Variants in PIP5K1B observed in about 807,000 individuals in gnomAD.
The protein encoded by PIP5K1B is phosphatidylinositol 4-phosphate 5-kinase type-1 beta.
PIP5K1B carries 42 observed loss-of-function variants against 67.0 expected under a neutral mutation model. The ratio of observed to expected loss-of-function variants is 0.63; its 90% CI spans 0.49 to 0.81. The LOEUF (loss-of-function observed/expected upper bound fraction) is 0.81. Among genes scored for constraint, PIP5K1B ranks in the 30% least tolerant of loss-of-function variants. PIP5K1B has a pLI of 0.00. For missense variants in PIP5K1B, 459 were observed against 646.3 expected (o/e 0.71, Z 3.14); for synonymous variants, 214 against 231.4 (o/e 0.92, Z 0.68).
intron 2 of PIP5K1B, chr9:68,788,833 T>C: frequency 4.2e-6 from 1 of 236,724 alleles, no homozygotes; most frequent in South Asian, 5.8e-5. Flanking sequence ...AAACTGATAT[T>C]ATATTTGACA....
chr9:68,759,662 T>C (rs1830099625), intron 2 of PIP5K1B, among the ~76,000 whole-genome samples: 1 of 152,004 alleles, frequency 6.6e-6, no homozygotes, highest in Non-Finnish European at 1.5e-5. Context: ...AATGGATAAA[T>C]ACAATCAATA....
Position 68,736,382 on chromosome 9 carries a change from T to G in PIP5K1B, c.-242-6119T>G, listed in dbSNP as rs150902438. Among the ~76,000 whole-genome samples, 449 of 152,320 alleles carry G rather than the reference T, an allele frequency of 2.9e-3. 4 individuals are homozygous for G. The highest frequency in any genetic ancestry group is 0.014 in the Middle Eastern group (4 of 294). ...CATACAGTTTTGCCATCTGTGTATT[T>G]TAACATTTTTTTTCTGTTGCTCTGT... On this transcript the variant is annotated intron_variant, in intron 1 of 15. Coordinates refer to ENST00000265382, the MANE Select transcript of PIP5K1B (RefSeq NM_003558.4).
intron 2 of PIP5K1B, among the ~76,000 whole-genome samples, chr9:68,762,227 T>C (rs548863028): frequency 6.6e-6 from 1 of 152,182 alleles, no homozygotes; most frequent in East Asian, 1.9e-4. Context: ...TAAAATGCAT[T>C]ATCTAAGCTT....
intron 9 of PIP5K1B, among the ~76,000 whole-genome samples, chr9:68,919,199 GGA>G (rs1455522625): frequency 6.6e-6 from 1 of 151,968 alleles, no homozygotes; most frequent in Non-Finnish European, 1.5e-5. Flanking sequence ...GTTTTAAATT[GGA>G]TTCTTCCCAT....
chr9:68,886,251 C>G (rs1314793667), intron 6 of PIP5K1B, among the ~76,000 whole-genome samples: 1 of 152,126 alleles, frequency 6.6e-6, no homozygotes, highest in East Asian at 1.9e-4. Context: ...GGGTCTGTCT[C>G]ACACCTGCAT....
intron 13 of PIP5K1B, among the ~76,000 whole-genome samples, chr9:68,936,260 C>G (rs1437507097): frequency 1.3e-5 from 2 of 151,940 alleles, no homozygotes; most frequent in Non-Finnish European, 2.9e-5. Context: ...CTTGCTTTGT[C>G]CTGATTTTAA....
At chr9:68,965,466 G>T (rs933741635) in intron 14 of PIP5K1B, 1 of 152,180 alleles carries the variant, frequency 6.6e-6, no homozygotes, top group Non-Finnish European at 1.5e-5. Context: ...AACGAAGCCA[G>T]TTCCAAACGC....
intron 1 of PIP5K1B, among the ~76,000 whole-genome samples, chr9:68,714,896 A>G (rs956570034): frequency 7.2e-5 from 11 of 152,152 alleles, no homozygotes; most frequent in Non-Finnish European, 1.5e-4. Context: ...TCACTCCAAC[A>G]AAGAACCAAA....
intron 1 of PIP5K1B, among the ~76,000 whole-genome samples, chr9:68,720,085 C>T (rs999123355): frequency 6.6e-6 from 1 of 152,222 alleles, no homozygotes; most frequent in African/African-American, 2.4e-5. Context: ...GCACCTAGAA[C>T]AGTGTCCAGC....
chr9:68,731,471 C>T (rs1437609213), intron 1 of PIP5K1B, among the ~76,000 whole-genome samples: 2 of 152,186 alleles, frequency 1.3e-5, no homozygotes, highest in Non-Finnish European at 2.9e-5. Flanking sequence ...TAAGTAAATG[C>T]TACTTCCTTT....
chr9:68,900,067 C>T (rs1825284349), intron 8 of PIP5K1B, among the ~76,000 whole-genome samples: 1 of 152,156 alleles, frequency 6.6e-6, no homozygotes, highest in Non-Finnish European at 1.5e-5. Context: ...TGGTCTTCAC[C>T]TCCATCCATG....
At chr9:68,857,101 C>T (rs1480596830) in intron 4 of PIP5K1B, among the ~76,000 whole-genome samples, 2 of 152,076 alleles carry the variant, frequency 1.3e-5, no homozygotes, top group African/African-American at 4.8e-5. Flanking sequence ...AGGAAGAGGC[C>T]ACAAGGAATG....
At chr9:68,753,906 C>T (rs548252541) in intron 2 of PIP5K1B, among the ~76,000 whole-genome samples, 4 of 151,822 alleles carry the variant, frequency 2.6e-5, no homozygotes, top group East Asian at 2.0e-4. Context: ...GTGATCCACC[C>T]GCCTTGGCCT....
At chr9:68,851,621 G>A (rs918944328) in intron 4 of PIP5K1B, among the ~76,000 whole-genome samples, 3 of 152,140 alleles carry the variant, frequency 2.0e-5, no homozygotes, top group Admixed American at 6.5e-5. Flanking sequence ...TGGTAAAGCT[G>A]GACCTGGAAG....
chr9:68,765,420 C>T (rs1300405474), intron 2 of PIP5K1B, among the ~76,000 whole-genome samples: 1 of 151,842 alleles, frequency 6.6e-6, no homozygotes, highest in Non-Finnish European at 1.5e-5. Context: ...CATAATGATG[C>T]CTAGTACAAA....
Position 68,932,093 on chromosome 9 carries a change from C to T in PIP5K1B, c.1202-2797C>T, listed in dbSNP as rs548005130. 1.7e-3 allele frequency among the ~76,000 whole-genome samples: 252 copies of T among 152,286 alleles called. 3 individuals carry two copies. Among genetic ancestry groups the T allele is most frequent in the African/African-American group, 5.9e-3 (245 of 41,564 alleles). On this transcript the variant is annotated intron_variant, in intron 12 of 15. Transcript: ENST00000265382. ...GATGCTGATAAAGAACAAAGAGTTA[C>T]TTCTTTTTCCAGTCTTTTGGCCCTC...
At chr9:68,977,624 A>G (rs2132868291) in intron 14 of PIP5K1B, among the ~76,000 whole-genome samples, 1 of 148,260 alleles carries the variant, frequency 6.7e-6, no homozygotes, top group South Asian at 2.2e-4. Flanking sequence ...TTTTGCATTT[A>G]TATATTTCAT....
At chr9:68,930,185 T>C (rs898427718) in intron 12 of PIP5K1B, among the ~76,000 whole-genome samples, 2 of 152,168 alleles carry the variant, frequency 1.3e-5, no homozygotes, top group African/African-American at 4.8e-5. Context: ...TCTCTTCTTA[T>C]ACAGCACTCT....
intron 13 of PIP5K1B, 53 bp downstream of exon 13, chr9:68,935,098 A>G (rs1374903566): frequency 4.7e-6 from 7 of 1,488,842 alleles, no homozygotes; most frequent in African/African-American, 1.4e-5. Flanking sequence ...ATTTATTTAT[A>G]CAAGTAAATT....
Sources: gnomAD v4.1 joint callset for allele counts (sites outside exome capture counted in the v4.1 genomes callset) on GRCh38, gnomAD v4.1.1 for gene constraint, MANE v1.5 for transcripts, NCBI Gene and HGNC (gene_info 2026-07-23, HGNC 2026-07-21) for gene names.